Variants in AGAP1 observed in about 807,000 individuals in gnomAD.
The protein encoded by AGAP1 is ArfGAP with GTPase domain, ankyrin repeat and PH domain 1.
Under a neutral mutation model 105.3 loss-of-function variants are expected in AGAP1, and 29 were observed. The observed-to-expected ratio is 0.28, with a 90% CI of 0.21 to 0.38. The LOEUF is 0.38. Among genes scored for constraint, AGAP1 ranks in the 10% least tolerant of loss-of-function variants. The pLI is 1.00. For synonymous variants in AGAP1, 509 were observed against 485.9 expected (o/e 1.05, Z -0.63); for missense variants, 998 against 1,165.1 (o/e 0.86, Z 2.09).
rs894326366 is a variant in AGAP1 at position 235,700,307 on chromosome 2, T to C, written c.164-8872T>C. ...CTCAAGGCTGTAGGTGGGCCTCTGT[T>C]TTCACATTTTAAGAAGGAAAGGGCA... is the stretch of plus-strand genomic sequence containing the variant. On this transcript the variant is annotated intron_variant, in intron 1 of 17. Coordinates refer to ENST00000304032, the MANE Select transcript of AGAP1 (RefSeq NM_001037131.3). The surrounding 1 kb of genome is among the most constrained non-coding windows in gnomAD (Gnocchi z 6.1). Among the ~76,000 whole-genome samples, 9 of 152,124 alleles carry C rather than the reference T, an allele frequency of 5.9e-5. No individual in the cohort carries two copies. The highest frequency in any genetic ancestry group is 1.3e-4 in the Non-Finnish European group (9 of 68,006).
intron 1 of AGAP1, among the ~76,000 whole-genome samples, chr2:235,684,784 A>T (rs1429424612): frequency 6.6e-6 from 1 of 152,148 alleles, no homozygotes; most frequent in Non-Finnish European, 1.5e-5. Context: ...ACTTGTTGGT[A>T]TCACTCGTCA....
chr2:235,795,323 A>G (rs1440076153), intron 6 of AGAP1, among the ~76,000 whole-genome samples: 2 of 152,248 alleles, frequency 1.3e-5, no homozygotes, highest in African/African-American at 4.8e-5. Context: ...TCCCTGGGAC[A>G]TCAAGCAAAT....
rs942352078 is a variant in AGAP1 at position 236,000,498 on chromosome 2, C to T, written c.1645+31875C>T. Among the ~76,000 whole-genome samples, 1 of 152,168 alleles carries T rather than the reference C, an allele frequency of 6.6e-6. No homozygotes were observed. The highest frequency in any genetic ancestry group is 1.5e-5 in the Non-Finnish European group (1 of 68,012). On this transcript the variant is annotated intron_variant, in intron 13 of 17. Coordinates refer to ENST00000304032, the MANE Select transcript of AGAP1 (RefSeq NM_001037131.3). The surrounding 1 kb of genome is among the most constrained non-coding windows in gnomAD (Gnocchi z 4.3). ...CCCTCCTCCAGTCCAGTCCCCCACCCTGAGCGTTGATGGTGGGGTGTGCAT... is the reference window on the plus strand; with the variant it reads ...CCCTCCTCCAGTCCAGTCCCCCACCTTGAGCGTTGATGGTGGGGTGTGCAT...
At chr2:235,670,217 C>A (rs865887169) in intron 1 of AGAP1, 2 of 571,740 alleles carry the variant, frequency 3.5e-6, no homozygotes, top group Admixed American at 2.6e-5. Flanking sequence ...CAGGAAGGAG[C>A]AGCTGGCCGC....
At chr2:235,618,542 A>C (rs1946377760) in intron 1 of AGAP1, among the ~76,000 whole-genome samples, 1 of 152,180 alleles carries the variant, frequency 6.6e-6, no homozygotes, top group Non-Finnish European at 1.5e-5. Flanking sequence ...TCAGGCATAA[A>C]GCTTCAAGTT....
At chr2:236,086,649 A>G (rs1382426962) in intron 16 of AGAP1, among the ~76,000 whole-genome samples, 1 of 152,154 alleles carries the variant, frequency 6.6e-6, no homozygotes, top group African/African-American at 2.4e-5. Flanking sequence ...AAAATTTTCA[A>G]CATTCTTAGG....
intron 10 of AGAP1, among the ~76,000 whole-genome samples, chr2:235,886,326 A>T (rs968667072): frequency 6.6e-6 from 1 of 152,246 alleles, no homozygotes; most frequent in African/African-American, 2.4e-5. Flanking sequence ...TCCAGTCAAC[A>T]TATGCTCACT....
At chr2:235,913,723 CCTT>C (rs1462283083) in intron 11 of AGAP1, among the ~76,000 whole-genome samples, 3 of 152,160 alleles carry the variant, frequency 2.0e-5, no homozygotes, top group Non-Finnish European at 4.4e-5. Context: ...TAACTTGAAA[CCTT>C]CTCCTCCTTG....
rs916296922 is a variant in AGAP1 at position 235,557,472 on chromosome 2, C to A, written c.163+62623C>A. On this transcript the variant is annotated intron_variant, in intron 1 of 17. Coordinates refer to ENST00000304032, the MANE Select transcript of AGAP1 (RefSeq NM_001037131.3). The surrounding 1 kb of genome is among the most constrained non-coding windows in gnomAD (Gnocchi z 4.7). ...AAAAGGCATGAAGTCTGAGTTCATT[C>A]CGAAGATTCTGGCTTTTGAGAACTT... is the stretch of plus-strand genomic sequence containing the variant. Among the ~76,000 whole-genome samples the A allele has an allele frequency of 2.0e-5, 3 of 152,122 alleles. No homozygotes were observed. The highest frequency in any genetic ancestry group is 7.2e-5 in the African/African-American group (3 of 41,410).
chr2:235,606,884 T>C (rs1408991880), intron 1 of AGAP1, among the ~76,000 whole-genome samples: 1 of 135,082 alleles, frequency 7.4e-6, no homozygotes, highest in Non-Finnish European at 1.5e-5. Flanking sequence ...GAGGCTGCAG[T>C]GAGCTGAGAT....
At chr2:235,896,631 A>G (rs1415901694) in intron 10 of AGAP1, among the ~76,000 whole-genome samples, 1 of 152,266 alleles carries the variant, frequency 6.6e-6, no homozygotes, top group Non-Finnish European at 1.5e-5. Context: ...TGACATGGTC[A>G]CATGGGCTCT....
rs1553555365 is a variant in AGAP1, at chr2:235,513,240, C to CCGGGCACGGGCG, written c.163+18396_163+18397insACGGGCGCGGGC. ...GTGGGTTAAAATGCAGATCACTGTGCCGGGCGCGGGTGGCTCATGCCTGTA... is the reference window on the plus strand; with the variant it reads ...GTGGGTTAAAATGCAGATCACTGTGCCGGGCACGGGCGCGGGCGCGGGTGGCTCATGCCTGTA... On this transcript the variant is annotated intron_variant, in intron 1 of 17. Transcript: ENST00000304032. Among the ~76,000 whole-genome samples the CCGGGCACGGGCG allele has an allele frequency of 3.3e-5, 5 of 151,376 alleles. No homozygotes were observed. In the East Asian group the frequency reaches 7.8e-4, roughly 24 times the overall value.
chr2:235,495,135 T>TGCCGGAGCGTCCCGGCCC (rs1941258733), intron 1 of AGAP1, among the ~76,000 whole-genome samples: 3 of 152,162 alleles, frequency 2.0e-5, no homozygotes, highest in Admixed American at 2.0e-4. Context: ...CGTCCTGGGC[T>TGCCGGAGCGTCCCGGCCC]GCCGGAGCGT....
chr2:235,800,758 A>G (rs1957459700), intron 8 of AGAP1, among the ~76,000 whole-genome samples: 1 of 152,228 alleles, frequency 6.6e-6, no homozygotes, highest in Non-Finnish European at 1.5e-5. Flanking sequence ...AAGGTTCTGC[A>G]GACGTCTAGT....
rs185820688 is a variant in AGAP1 at position 236,076,569 on chromosome 2, C to T, written c.2114+27288C>T. Reference sequence around the variant, plus strand: ...GTGGAATCTGGGAAAGCCATGATTTCCACAGTATACTCCTAGAAATTTTAA... The same window carrying T: ...GTGGAATCTGGGAAAGCCATGATTTTCACAGTATACTCCTAGAAATTTTAA... On this transcript the variant is annotated intron_variant, in intron 16 of 17. Coordinates refer to ENST00000304032, the MANE Select transcript of AGAP1 (RefSeq NM_001037131.3). The surrounding 1 kb of genome is among the most constrained non-coding windows in gnomAD (Gnocchi z 4.4). 6.6e-6 allele frequency among the ~76,000 whole-genome samples: 1 copy of T among 152,270 alleles called. No individual in the cohort carries two copies. The highest frequency in any genetic ancestry group is 1.5e-5 in the Non-Finnish European group (1 of 68,024).
chr2:235,741,944 G>A lies in AGAP1; in HGVS notation c.396+896G>A, dbSNP rs924353170. Among the ~76,000 whole-genome samples, 1 of 151,690 alleles carries A rather than the reference G, an allele frequency of 6.6e-6. No homozygotes were observed. The highest frequency in any genetic ancestry group is 2.4e-5 in the African/African-American group (1 of 41,300). On this transcript the variant is annotated intron_variant, in intron 4 of 17. Transcript: ENST00000304032. The surrounding 1 kb of genome is among the most constrained non-coding windows in gnomAD (Gnocchi z 4.9). ...AATTTTTTGTATTTTTAGTAGAGATGGAGTTTCACCATGTTAGCCAGGATG... is the reference window on the plus strand; with the variant it reads ...AATTTTTTGTATTTTTAGTAGAGATAGAGTTTCACCATGTTAGCCAGGATG...
chr2:236,120,457 C>T lies in AGAP1; in HGVS notation c.2370+10C>T, dbSNP rs932587046. ...GCAGCTCCTGATCTGGGTAGGTGGTCGGCACGCCTGGCAGAGGACGGGGCC... is the reference window on the plus strand; with the variant it reads ...GCAGCTCCTGATCTGGGTAGGTGGTTGGCACGCCTGGCAGAGGACGGGGCC... On this transcript the variant is annotated intron_variant, in intron 17 of 17. Coordinates refer to ENST00000304032, the MANE Select transcript of AGAP1 (RefSeq NM_001037131.3). The surrounding 1 kb of genome is among the most constrained non-coding windows in gnomAD (Gnocchi z 6.0). 22 of 1,610,940 alleles carry T rather than the reference C, an allele frequency of 1.4e-5. No individual in the cohort carries two copies. The highest frequency in any genetic ancestry group is 2.2e-5 in the South Asian group (2 of 90,978).
intron 1 of AGAP1, among the ~76,000 whole-genome samples, chr2:235,643,451 A>G (rs1450292514): frequency 6.6e-6 from 1 of 150,986 alleles, no homozygotes; most frequent in African/African-American, 2.4e-5. Context: ...AAAAAAAAAA[A>G]AAAAAAAAAG....
chr2:235,858,468 A>G (rs1042667395), intron 9 of AGAP1, among the ~76,000 whole-genome samples: 1 of 152,194 alleles, frequency 6.6e-6, no homozygotes. Context: ...GATGGGCAGA[A>G]CGTATATATC....
Sources: gnomAD v4.1 joint callset for allele counts (sites outside exome capture counted in the v4.1 genomes callset) on GRCh38, gnomAD v4.1.1 for gene constraint, Gnocchi (gnomAD v3.1) non-coding constraint, MANE v1.5 for transcripts, NCBI Gene and HGNC (gene_info 2026-07-23, HGNC 2026-07-21) for gene names.